Variants in PAX8 observed in about 807,000 individuals in gnomAD.
PAX8 encodes the protein paired box 8.
A neutral mutation model predicts 52.4 loss-of-function variants in PAX8; 15 were observed. That is an observed-to-expected ratio of 0.29 (90% CI 0.19 to 0.44). The LOEUF (loss-of-function observed/expected upper bound fraction) is 0.44, where lower values mean the gene tolerates loss of function less well. Ranked by LOEUF, PAX8 falls within the 20% of genes least tolerant of loss-of-function variation. PAX8 has a pLI of 1.00. For synonymous variants in PAX8, 284 were observed against 249.7 expected (o/e 1.14, Z -1.29); for missense variants, 554 against 602.5 (o/e 0.92, Z 0.84).
chr2:113,233,429 C>T (rs1321508120), intron 9 of PAX8, among the ~76,000 whole-genome samples: 1 of 151,836 alleles, frequency 6.6e-6, no homozygotes, highest in Non-Finnish European at 1.5e-5. Flanking sequence ...CACCTGTAAC[C>T]CCAGCACTTT....
rs547893475 is a variant in PAX8 at position 113,277,335 on chromosome 2, C to A, written c.25+1035G>T. On this transcript the variant is annotated intron_variant, in intron 2 of 11. Transcript: ENST00000429538. Reference sequence around the variant, plus strand: ...TGGAGACTGCGCCGCAGAGCCCGGGCCCCCGCAGTGCGCTTGGCTAAATAG... The same window carrying A: ...TGGAGACTGCGCCGCAGAGCCCGGGACCCCGCAGTGCGCTTGGCTAAATAG... 6.8e-4 allele frequency among the ~76,000 whole-genome samples: 104 copies of A among 152,384 alleles called. 1 individual carries two copies. In the South Asian group the frequency reaches 0.02, roughly 30 times the overall value.
At chr2:113,244,354 T>G in intron 4 of PAX8, 73 bp downstream of exon 4, 1 of 1,194,650 alleles carries the variant, frequency 8.4e-7, no homozygotes, top group Non-Finnish European at 1.2e-6. Context: ...AGCCAGGCCT[T>G]TCTTGTCTCT....
At chr2:113,254,793 C>T (rs528287683) in intron 2 of PAX8, among the ~76,000 whole-genome samples, 41 of 152,296 alleles carry the variant, frequency 2.7e-4, no homozygotes, top group African/African-American at 9.1e-4. Context: ...GAATCCTCTC[C>T]TGGGTCCTTG....
At chr2:113,236,821 C>T in intron 7 of PAX8, 100 bp from the exon 8 acceptor site, 1 of 1,390,238 alleles carries the variant, frequency 7.2e-7, no homozygotes, top group South Asian at 1.4e-5. Flanking sequence ...CCCTCATCTC[C>T]CCAGGAGAGG....
chr2:113,250,015 C>T (rs1330731583), intron 2 of PAX8, among the ~76,000 whole-genome samples: 2 of 151,728 alleles, frequency 1.3e-5, no homozygotes, highest in Non-Finnish European at 2.9e-5. Flanking sequence ...CGCCTGTAAT[C>T]CCAGCACTTT....
intron 2 of PAX8, chr2:113,268,734 G>C (rs1573541968): frequency 6.5e-6 from 1 of 152,686 alleles, no homozygotes; most frequent in East Asian, 1.9e-4. Flanking sequence ...GAGCTGGGAT[G>C]GGTGAGGACA....
intron 2 of PAX8, among the ~76,000 whole-genome samples, chr2:113,253,258 G>T (rs1298135982): frequency 6.6e-6 from 1 of 152,026 alleles, no homozygotes; most frequent in Non-Finnish European, 1.5e-5. Context: ...CCCCTTCAAG[G>T]CCATCCTTGG....
chr2:113,258,006 A>T (rs1395951411), intron 2 of PAX8, among the ~76,000 whole-genome samples: 4 of 152,134 alleles, frequency 2.6e-5, no homozygotes, highest in Admixed American at 1.3e-4. Flanking sequence ...TGCCATAGTG[A>T]ATGCTCTGCA....
chr2:113,245,815 G>T (rs1411968199), intron 3 of PAX8, among the ~76,000 whole-genome samples: 1 of 152,112 alleles, frequency 6.6e-6, no homozygotes, highest in African/African-American at 2.4e-5. Flanking sequence ...CCTCTCCCTA[G>T]CCCAGCAAAG....
rs1307961074 is a variant in PAX8, at chr2:113,244,414, C to G, written c.389+13G>C. The G allele has an allele frequency of 3.1e-6, 5 of 1,608,456 alleles. No individual in the cohort carries two copies. Among genetic ancestry groups the G allele is most frequent in the Non-Finnish European group, 4.3e-6 (5 of 1,175,276 alleles). On this transcript the variant is annotated intron_variant, in intron 4 of 11. Transcript: ENST00000429538. ...GGCCCCAGCCTGACACCAGAGGCTG[C>G]TTTCTCTCTTACCTATTAATGGAGC...
chr2:113,255,124 AGGAG>A (rs1692111748), intron 2 of PAX8, among the ~76,000 whole-genome samples: 2 of 149,228 alleles, frequency 1.3e-5, no homozygotes, highest in African/African-American at 5.0e-5. Flanking sequence ...AATAGAGGGA[AGGAG>A]GAAGGAAGGA....
At chr2:113,274,844 C>T (rs1032167314) in intron 2 of PAX8, 7 of 152,076 alleles carry the variant, frequency 4.6e-5, no homozygotes, top group African/African-American at 1.7e-4. Context: ...GGAACCTGCT[C>T]CAAAATGAAG....
chr2:113,239,070 C>CTTT (rs35990380), intron 7 of PAX8: 27 of 137,224 alleles, frequency 2.0e-4, no homozygotes, highest in Admixed American at 1.4e-3. Flanking sequence ...TCCCCCTGCC[C>CTTT]TTTTTTTTTT....
At chr2:113,233,635 G>A (rs1002922020) in intron 9 of PAX8, among the ~76,000 whole-genome samples, 1 of 145,818 alleles carries the variant, frequency 6.9e-6, no homozygotes, top group Non-Finnish European at 1.5e-5. Context: ...CTGAGATCGC[G>A]CCACTGCACT....
intron 2 of PAX8, among the ~76,000 whole-genome samples, chr2:113,277,940 G>C (rs573032024): frequency 6.6e-5 from 10 of 151,610 alleles, no homozygotes; most frequent in African/African-American, 2.2e-4. Context: ...GTCCAGCCAG[G>C]GGAGTCACTG....
rs750849081 is a variant in PAX8, at chr2:113,242,082, A to G, written c.527T>C (p.Leu176Pro). ...TPPESPQSDS[L>P]GSTYSINGLL... is the part of the protein sequence containing the mutation. ...CCCATTGATGGAGTAGGTGGAGCCC[A>G]GGGAATCCGACTGGGGTGACTCCGG... Residue 176 changes from leucine to proline, a missense_variant, in exon 6 of 12, where the codon CTG becomes CCG. Around this residue, in one of 2 missense-constraint regions of PAX8, gnomAD observed 445 missense variants for 409.9 expected, o/e 1.09. Transcript: ENST00000429538. 3 of 1,613,712 alleles carry G rather than the reference A, an allele frequency of 1.9e-6. 1 individual carries two copies. In the Middle Eastern group the frequency reaches 4.9e-4, roughly 266 times the overall value.
chr2:113,247,702 C>T (rs766070674), intron 2 of PAX8, among the ~76,000 whole-genome samples: 5 of 152,204 alleles, frequency 3.3e-5, no homozygotes, highest in Non-Finnish European at 7.4e-5. Flanking sequence ...CTGGCCCCAG[C>T]CTGTGTTTCA....
intron 7 of PAX8, chr2:113,241,346 G>A (rs1690820754): frequency 1.5e-6 from 1 of 654,700 alleles, no homozygotes; most frequent in Non-Finnish European, 2.7e-6. Context: ...TTGGGTGAAG[G>A]AAGCCAGGAG....
chr2:113,236,704 G>T lies in PAX8; in HGVS notation c.795C>A (p.Pro265=). 1.3e-6 allele frequency: 2 copies of T among 1,576,002 alleles called. No homozygotes were observed. Among genetic ancestry groups the T allele is most frequent in the African/African-American group, 2.7e-5 (2 of 74,348 alleles). ...CGTCGTCCAGGGTGCTGTTGAGCAAGGGCAGCGGGTAGAGGCCCTGGGGAG... is the reference window on the plus strand; with the variant it reads ...CGTCGTCCAGGGTGCTGTTGAGCAATGGCAGCGGGTAGAGGCCCTGGGGAG... ...TKGEQGLYPL[P]LLNSTLDDGK... is the part of the protein sequence containing the mutation. Residue 265 remains proline, a synonymous_variant, in exon 8 of 12, where the codon CCC becomes CCA. Transcript: ENST00000429538.
Sources: allele counts gnomAD v4.1 joint callset (sites outside exome capture counted in the v4.1 genomes callset), GRCh38; gene constraint gnomAD v4.1.1; regional missense constraint gnomAD v4.1.1; transcripts MANE v1.5; gene names NCBI Gene and HGNC (gene_info 2026-07-23, HGNC 2026-07-21).